Variants in SHISA9 observed in about 807,000 individuals in gnomAD.
The protein encoded by SHISA9 is protein shisa-9.
In SHISA9, 13 loss-of-function variants were observed where a neutral mutation model predicts 38.0. The observed-to-expected ratio is 0.34, with a 90% CI of 0.22 to 0.54. The LOEUF is 0.54. Among genes scored for constraint, SHISA9 ranks in the 20% least tolerant of loss-of-function variants. The probability of loss-of-function intolerance (pLI) is 0.91; values close to 1 mark genes in which losing one functional copy is unlikely to be tolerated. For missense variants in SHISA9, 538 were observed against 575.8 expected (o/e 0.93, Z 0.67); for synonymous variants, 275 against 242.0 (o/e 1.14, Z -1.27).
the SHISA9 span, among the ~76,000 whole-genome samples, chr16:13,448,441 G>C: frequency 6.6e-6 from 1 of 152,146 alleles, no homozygotes; most frequent in Non-Finnish European, 1.5e-5. Flanking sequence ...TCATCACAAA[G>C]ACACCCTCTC....
At chr16:13,095,018 G>A (rs1267450762) in intron 2 of SHISA9, among the ~76,000 whole-genome samples, 1 of 152,182 alleles carries the variant, frequency 6.6e-6, no homozygotes, top group Admixed American at 6.5e-5. Flanking sequence ...CTCTTTAGAT[G>A]TGATCAGGCA....
At chr16:12,926,877 T>C (rs1288379126) in intron 2 of SHISA9, among the ~76,000 whole-genome samples, 1 of 152,204 alleles carries the variant, frequency 6.6e-6, no homozygotes, top group Non-Finnish European at 1.5e-5. Context: ...TATAGATCTT[T>C]CTTGCAGGTC....
At chr16:13,459,229 G>A in the SHISA9 span, among the ~76,000 whole-genome samples, 12 of 152,242 alleles carry the variant, frequency 7.9e-5, no homozygotes, top group East Asian at 3.9e-4. Flanking sequence ...GGATGTGCCC[G>A]TACCTTACAA....
At chr16:13,230,496 G>C (rs557540697) in intron 4 of SHISA9, among the ~76,000 whole-genome samples, 1 of 152,300 alleles carries the variant, frequency 6.6e-6, no homozygotes, top group South Asian at 2.1e-4. Flanking sequence ...TTGCTCCCAA[G>C]TTTCTGGCTT....
At chr16:13,468,254 C>G in the SHISA9 span, among the ~76,000 whole-genome samples, 1 of 152,168 alleles carries the variant, frequency 6.6e-6, no homozygotes, top group African/African-American at 2.4e-5. Flanking sequence ...ATATTTATCT[C>G]CATTGATTCA....
At chr16:13,531,195 T>C in the SHISA9 span, among the ~76,000 whole-genome samples, 1 of 152,240 alleles carries the variant, frequency 6.6e-6, no homozygotes, top group African/African-American at 2.4e-5. Context: ...TACCCAAAAG[T>C]ATCCTAACTA....
intron 2 of SHISA9, among the ~76,000 whole-genome samples, chr16:13,082,772 G>A (rs892563514): frequency 3.3e-5 from 5 of 152,206 alleles, no homozygotes; most frequent in African/African-American, 1.2e-4. Context: ...GTTTGTACAT[G>A]TGTGGGTGGG....
the SHISA9 span, among the ~76,000 whole-genome samples, chr16:13,308,989 A>G: frequency 6.6e-6 from 1 of 152,224 alleles, no homozygotes; most frequent in Non-Finnish European, 1.5e-5. Context: ...GGCTTAAAAG[A>G]TAAGAGTTTC....
At chr16:13,380,107 T>C in the SHISA9 span, among the ~76,000 whole-genome samples, 7 of 152,136 alleles carry the variant, frequency 4.6e-5, no homozygotes, top group Non-Finnish European at 8.8e-5. Context: ...GATACATACA[T>C]ATGTTTAATT....
chr16:13,063,059 T>C (rs777369159), intron 2 of SHISA9, among the ~76,000 whole-genome samples: 22 of 152,110 alleles, frequency 1.4e-4, no homozygotes, highest in Non-Finnish European at 2.9e-4. Context: ...CAGGCTGGAG[T>C]GCAGTGATGC....
chr16:13,149,700 G>A (rs985483035), intron 2 of SHISA9, among the ~76,000 whole-genome samples: 1 of 152,018 alleles, frequency 6.6e-6, no homozygotes, highest in Non-Finnish European at 1.5e-5. Flanking sequence ...TAAGGCAGGT[G>A]GATCACTTGA....
chr16:13,260,142 G>A, the SHISA9 span, among the ~76,000 whole-genome samples: 1 of 147,492 alleles, frequency 6.8e-6, no homozygotes, highest in Non-Finnish European at 1.5e-5. Context: ...TCAGCCTGCC[G>A]AGTAGCTTAG....
the SHISA9 span, among the ~76,000 whole-genome samples, chr16:13,523,336 C>T: frequency 6.6e-6 from 1 of 152,084 alleles, no homozygotes; most frequent in Non-Finnish European, 1.5e-5. Context: ...GGCAACACAG[C>T]AAGACTCCAT....
intron 2 of SHISA9, among the ~76,000 whole-genome samples, chr16:13,120,300 T>G (rs899046824): frequency 1.3e-5 from 2 of 152,208 alleles, no homozygotes; most frequent in African/African-American, 4.8e-5. Flanking sequence ...TTTGGAGCAC[T>G]GGAGCCCTTT....
chr16:13,054,675 C>T (rs1200561655), intron 2 of SHISA9, among the ~76,000 whole-genome samples: 2 of 152,150 alleles, frequency 1.3e-5, no homozygotes, highest in East Asian at 1.9e-4. Flanking sequence ...ATGAATACCT[C>T]GTATGCAGAG....
At chr16:12,978,475 A>G (rs1216923501) in intron 2 of SHISA9, among the ~76,000 whole-genome samples, 1 of 152,228 alleles carries the variant, frequency 6.6e-6, no homozygotes, top group African/African-American at 2.4e-5. Context: ...AATAATTTGA[A>G]ATATTAGGCA....
intron 4 of SHISA9, among the ~76,000 whole-genome samples, chr16:13,229,483 G>T (rs1322343494): frequency 6.6e-6 from 1 of 152,142 alleles, no homozygotes; most frequent in Non-Finnish European, 1.5e-5. Context: ...CTGTGAAAAC[G>T]ACAGAGGCTA....
At chr16:13,558,086 A>G in the SHISA9 span, among the ~76,000 whole-genome samples, 1 of 152,160 alleles carries the variant, frequency 6.6e-6, no homozygotes, top group Non-Finnish European at 1.5e-5. Context: ...AGAATAAAAT[A>G]TAAACTTCCT....
intron 2 of SHISA9, among the ~76,000 whole-genome samples, chr16:12,939,016 G>C (rs910924146): frequency 6.6e-6 from 1 of 152,042 alleles, no homozygotes; most frequent in Non-Finnish European, 1.5e-5. Flanking sequence ...TGTTTTGGGG[G>C]AAAAACTCCA....
Sources: gnomAD v4.1 joint callset for allele counts (sites outside exome capture counted in the v4.1 genomes callset) on GRCh38, gnomAD v4.1.1 for gene constraint, MANE v1.5 for transcripts, NCBI Gene and HGNC (gene_info 2026-07-23, HGNC 2026-07-21) for gene names.